COL5A1: variants seen among roughly 807,000 people sequenced by gnomAD.
COL5A1 encodes collagen alpha-1(V) chain.
A neutral mutation model predicts 263.7 loss-of-function variants in COL5A1; 16 were observed. The observed-to-expected ratio is 0.06, with a 90% CI of 0.04 to 0.09. The LOEUF is 0.09. Ranked by LOEUF, COL5A1 falls within the 10% of genes least tolerant of loss-of-function variation. The pLI, the probability that COL5A1 is intolerant of heterozygous loss-of-function variation, is 1.00. For synonymous variants in COL5A1, 1,012 were observed against 1,004.5 expected (o/e 1.01, Z -0.14); for missense variants, 2,036 against 2,540.5 (o/e 0.80, Z 4.27).
chr9:134,817,660 G>A, intron 53 of COL5A1, 118 bp from the exon 54 acceptor site: 1 of 921,528 alleles, frequency 1.1e-6, no homozygotes, highest in South Asian at 1.4e-5. Context: ...CTGCACCCGA[G>A]CTCGTCCCTC....
intron 28 of COL5A1, 105 bp from the exon 29 acceptor site, chr9:134,782,562 C>T (rs201567545): frequency 1.3e-4 from 142 of 1,079,822 alleles, no homozygotes; most frequent in Admixed American, 5.2e-4. Flanking sequence ...GCCCCCCAAG[C>T]GTGGGGGACC....
chr9:134,702,405 G>C (rs528846306), intron 4 of COL5A1, among the ~76,000 whole-genome samples: 1 of 152,154 alleles, frequency 6.6e-6, no homozygotes, highest in East Asian at 1.9e-4. Context: ...TGAGCTCCTG[G>C]CTGTGTCTAC....
chr9:134,707,395 G>A (rs956435820), intron 4 of COL5A1, among the ~76,000 whole-genome samples: 5 of 152,176 alleles, frequency 3.3e-5, no homozygotes, highest in African/African-American at 1.2e-4. Context: ...ACACCGAGCG[G>A]TTTACCTAAT....
intron 11 of COL5A1, among the ~76,000 whole-genome samples, chr9:134,749,214 A>G (rs1322867940): frequency 6.6e-6 from 1 of 152,188 alleles, no homozygotes; most frequent in African/African-American, 2.4e-5. Context: ...CAGCCTGGGC[A>G]ACAGAGTGAG....
intron 23 of COL5A1, 123 bp from the exon 24 acceptor site, chr9:134,767,187 A>G (rs1234191917): frequency 3.5e-6 from 5 of 1,410,466 alleles, no homozygotes; most frequent in Non-Finnish European, 5.0e-6. Flanking sequence ...CTGGAGGGAG[A>G]CTAGGACCTG....
Position 134,755,936 on chromosome 9 carries a change from G to C in COL5A1, c.1828-829G>C, listed in dbSNP as rs1835954460. Among the ~76,000 whole-genome samples, 1 of 152,158 alleles carries C rather than the reference G, an allele frequency of 6.6e-6. No individual in the cohort carries two copies. The highest frequency in any genetic ancestry group is 2.4e-5 in the African/African-American group (1 of 41,442). On this transcript the variant is annotated intron_variant, in intron 16 of 65. Transcript: ENST00000371817. This position sits in a 1 kb window ranked among gnomAD's most constrained non-coding sequence, Gnocchi z 4.1. ...GGCCTCATATGAGGAGGAGCCCCTG[G>C]AAAATGGAAGTGCAGGGTGGCAGCC...
intron 64 of COL5A1, among the ~76,000 whole-genome samples, chr9:134,831,835 G>C (rs61376726): frequency 0.034 from 5,249 of 152,304 alleles, 320 homozygotes; most frequent in African/African-American, 0.12. Context: ...CTGTTCCACA[G>C]AGAGTTAATG....
rs778752656 is a variant in COL5A1, at chr9:134,811,413, AC to A, written c.3582+23del. ...CCTCTGTGAGTATCCATGGTCAATG[AC>A]CTTCGAAAAGCCCCACGCCCCCCCA... On this transcript the variant is annotated intron_variant, in intron 45 of 65. Coordinates refer to ENST00000371817, the MANE Select transcript of COL5A1 (RefSeq NM_000093.5). 3 of 1,613,542 alleles carry A rather than the reference AC, an allele frequency of 1.9e-6. No homozygotes were observed. The South Asian group carries it at 3.3e-5, about 18-fold the overall frequency.
chr9:134,655,695 T>G (rs1427117631), intron 1 of COL5A1, among the ~76,000 whole-genome samples: 2 of 152,068 alleles, frequency 1.3e-5, no homozygotes, highest in African/African-American at 4.8e-5. Flanking sequence ...GCCCATGGAA[T>G]TGAGCTGGGC....
intron 64 of COL5A1, among the ~76,000 whole-genome samples, chr9:134,831,666 T>C (rs1274160432): frequency 1.3e-5 from 2 of 152,068 alleles, no homozygotes; most frequent in African/African-American, 2.4e-5. Context: ...GGCACTGCCC[T>C]CTCCCCGCAA....
rs1450658266 is a variant in COL5A1, at chr9:134,841,289, G to A, written c.5371-868G>A. On this transcript the variant is annotated intron_variant, in intron 65 of 65. Coordinates refer to ENST00000371817, the MANE Select transcript of COL5A1 (RefSeq NM_000093.5). The surrounding 1 kb of genome is among the most constrained non-coding windows in gnomAD (Gnocchi z 4.8). ...CGGCCTCCAGGGCCCTTGTCTTGGG[G>A]GAAGTTGACGGGACAGCAGGGCCAG... Among the ~76,000 whole-genome samples the A allele has an allele frequency of 2.0e-5, 3 of 152,214 alleles. No homozygotes were observed. The highest frequency in any genetic ancestry group is 2.4e-5 in the African/African-American group (1 of 41,462).
At chr9:134,687,061 C>T (rs1160266169) in intron 1 of COL5A1, among the ~76,000 whole-genome samples, 1 of 152,226 alleles carries the variant, frequency 6.6e-6, no homozygotes, top group Non-Finnish European at 1.5e-5. Context: ...GAGGCTGCCA[C>T]CCAGACTGCA....
intron 38 of COL5A1, among the ~76,000 whole-genome samples, chr9:134,802,566 T>C (rs535758166): frequency 2.6e-5 from 4 of 152,300 alleles, no homozygotes; most frequent in Non-Finnish European, 5.9e-5. Context: ...TTTTCTCCCA[T>C]CCTTGGCCTG....
At chr9:134,730,159 A>C in intron 6 of COL5A1, 77 bp from the exon 7 acceptor site, 1 of 1,589,948 alleles carries the variant, frequency 6.3e-7, no homozygotes, top group Non-Finnish European at 8.5e-7. Context: ...CTGCACCCGG[A>C]CATGCGGCAA....
Position 134,647,463 on chromosome 9 carries a change from G to A in COL5A1, c.109+5167G>A, listed in dbSNP as rs371631182. 1.3e-5 allele frequency among the ~76,000 whole-genome samples: 2 copies of A among 152,208 alleles called. No homozygotes were observed. The highest frequency in any genetic ancestry group is 1.3e-4 in the Admixed American group (2 of 15,280). On this transcript the variant is annotated intron_variant, in intron 1 of 65. Coordinates refer to ENST00000371817, the MANE Select transcript of COL5A1 (RefSeq NM_000093.5). This position sits in a 1 kb window ranked among gnomAD's most constrained non-coding sequence, Gnocchi z 5.0. ...GATCTGCCTGCACACATGTGTTTGT[G>A]GGTATACATGTGTGTTTGAGTGTGC...
At position 134,682,239 on chromosome 9, in the gene COL5A1, G is replaced by T. The variant is rs1832882630; in HGVS notation, c.110-8673G>T. Among the ~76,000 whole-genome samples, 1 of 152,204 alleles carries T rather than the reference G, an allele frequency of 6.6e-6. No homozygotes were observed. Among genetic ancestry groups the T allele is most frequent in the Admixed American group, 6.5e-5 (1 of 15,286 alleles). On this transcript the variant is annotated intron_variant, in intron 1 of 65. Transcript: ENST00000371817. This position sits in a 1 kb window ranked among gnomAD's most constrained non-coding sequence, Gnocchi z 5.1. Reference sequence around the variant, plus strand: ...TCCCCAGAGCCGACAGCACTATTCGGCTGGGTGCCAGGGACCCAGCCTAGT... The same window carrying T: ...TCCCCAGAGCCGACAGCACTATTCGTCTGGGTGCCAGGGACCCAGCCTAGT...
Position 134,728,703 on chromosome 9 carries a change from T to C in COL5A1, c.820T>C (p.Tyr274His). The C allele has an allele frequency of 6.2e-7, 1 of 1,614,112 alleles. No individual in the cohort carries two copies. The highest frequency in any genetic ancestry group is 8.5e-7 in the Non-Finnish European group (1 of 1,180,026). The change falls in exon 6 of 66, where the codon TAC (tyrosine) becomes CAC (histidine). Residue 274 changes from tyrosine (Y) to histidine (H), a missense_variant. Physicochemically the swap from Tyr to His is moderately conservative, Grantham distance 83. Around this residue, in one of 3 missense-constraint regions of COL5A1, gnomAD observed 600 missense variants for 634.5 expected, o/e 0.95. Transcript: ENST00000371817. ...AGGAGACGGCGAGGGTGAGACCTAT[T>C]ACTACGAATACCCCTACTACGAAGA... Reference protein sequence around the residue: ...TEGDGEGETYYYEYPYYEDPE... With the variant: ...TEGDGEGETYHYEYPYYEDPE...
chr9:134,697,099 GAGTCC>G (rs1231421232), intron 2 of COL5A1, among the ~76,000 whole-genome samples: 2 of 151,824 alleles, frequency 1.3e-5, no homozygotes, highest in East Asian at 3.9e-4. Context: ...AGCTCTGAGG[GAGTCC>G]GGAGCCCACC....
chr9:134,728,376 G>A (rs1317186656), intron 5 of COL5A1, among the ~76,000 whole-genome samples: 1 of 152,268 alleles, frequency 6.6e-6, no homozygotes, highest in African/African-American at 2.4e-5. Context: ...GGTTGTTCTG[G>A]CCTGGGTTCC....
Sources: allele counts gnomAD v4.1 joint callset (sites outside exome capture counted in the v4.1 genomes callset), GRCh38; gene constraint gnomAD v4.1.1; regional missense constraint gnomAD v4.1.1; non-coding constraint Gnocchi (gnomAD v3.1); transcripts MANE v1.5; gene names NCBI Gene and HGNC (gene_info 2026-07-23, HGNC 2026-07-21).